The following PCDH17 variants were observed in gnomAD, a reference collection of about 807,000 sequenced individuals.
PCDH17 encodes protocadherin-17.
Under a neutral mutation model 67.7 loss-of-function variants are expected in PCDH17, and 21 were observed. The ratio of observed to expected loss-of-function variants is 0.31; its 90% CI spans 0.22 to 0.45. PCDH17 has a LOEUF of 0.45. PCDH17 is among the 20% of genes least tolerant of loss of function. The probability of loss-of-function intolerance (pLI) is 1.00; values close to 1 mark genes in which losing one functional copy is unlikely to be tolerated. For missense variants in PCDH17, 1,471 were observed against 1,564.8 expected (o/e 0.94, Z 1.01); for synonymous variants, 701 against 656.7 (o/e 1.07, Z -1.03).
At chr13:57,673,893 ATGTTTTCT>A (rs1217867544) in intron 3 of PCDH17, among the ~76,000 whole-genome samples, 3 of 120,914 alleles carry the variant, frequency 2.5e-5, no homozygotes, top group African/African-American at 2.4e-4. Context: ...ATCTCGGTTT[ATGTTTTCT>A]GGATAAAGTG....
chr13:57,647,813 T>C (rs895455068), intron 1 of PCDH17, among the ~76,000 whole-genome samples: 1 of 151,862 alleles, frequency 6.6e-6, no homozygotes, highest in African/African-American at 2.4e-5. Context: ...TGTGCTCTAA[T>C]AAGATATAGT....
At chr13:57,697,791 T>C (rs974812483) in intron 3 of PCDH17, among the ~76,000 whole-genome samples, 2 of 151,282 alleles carry the variant, frequency 1.3e-5, no homozygotes, top group Non-Finnish European at 1.5e-5. Flanking sequence ...TTTTTTAGGG[T>C]ACAAATGAAA....
intron 3 of PCDH17, among the ~76,000 whole-genome samples, chr13:57,720,835 T>C (rs1211032946): frequency 6.6e-6 from 1 of 152,062 alleles, no homozygotes; most frequent in Non-Finnish European, 1.5e-5. Context: ...TGCAAAAATG[T>C]CATATAAATT....
At chr13:57,674,342 C>T (rs1566231057) in intron 3 of PCDH17, among the ~76,000 whole-genome samples, 1 of 151,548 alleles carries the variant, frequency 6.6e-6, no homozygotes, top group African/African-American at 2.4e-5. Context: ...TTATTTCTTT[C>T]TAGAGACAGG....
At chr13:57,718,516 A>G (rs900910091) in intron 3 of PCDH17, among the ~76,000 whole-genome samples, 3 of 152,068 alleles carry the variant, frequency 2.0e-5, no homozygotes, top group Non-Finnish European at 4.4e-5. Flanking sequence ...ATAGATTGTT[A>G]AGGTACCATT....
At chr13:57,660,944 A>G (rs1013188208) in intron 1 of PCDH17, among the ~76,000 whole-genome samples, 3 of 152,172 alleles carry the variant, frequency 2.0e-5, no homozygotes, top group Admixed American at 1.3e-4. Flanking sequence ...TTTGAAAGAT[A>G]CCTAGGCTGA....
chr13:57,715,515 G>A (rs1238278849), intron 3 of PCDH17, among the ~76,000 whole-genome samples: 2 of 151,782 alleles, frequency 1.3e-5, no homozygotes, highest in Non-Finnish European at 2.9e-5. Flanking sequence ...GGAATGCAGA[G>A]TAATGCTGTA....
chr13:57,634,078 T>G lies in PCDH17; in HGVS notation c.1532T>G (p.Ile511Ser). The change falls in exon 1 of 4, where the codon ATC becomes AGC. Residue 511 changes from isoleucine to serine, a missense_variant. Coordinates refer to ENST00000377918, the MANE Select transcript of PCDH17 (RefSeq NM_001040429.3). This position sits in a 1 kb window ranked among gnomAD's most constrained non-coding sequence, Gnocchi z 7.8. ...CAGAACGGCACCGTATCCTACTCTA[T>G]CCTGCCCTCGCACATCGGCGACGTG... is the stretch of plus-strand genomic sequence containing the variant. ...LGQNGTVSYS[I>S]LPSHIGDVSI... is the part of the protein sequence containing the mutation. 6.2e-7 allele frequency: 1 copy of G among 1,613,438 alleles called. No individual in the cohort carries two copies. Among genetic ancestry groups the G allele is most frequent in the Non-Finnish European group, 8.5e-7 (1 of 1,180,010 alleles).
chr13:57,634,645 A>C lies in PCDH17; in HGVS notation c.2099A>C (p.His700Pro). Residue 700 changes from histidine to proline, a missense_variant, in exon 1 of 4, where the codon CAC (histidine) becomes CCC (proline). By Grantham distance (77) the His-to-Pro change is moderately conservative (BLOSUM62 -2). Around this residue, in one of 3 missense-constraint regions of PCDH17, gnomAD observed 1,163 missense variants for 1,230.0 expected, o/e 0.95. Coordinates refer to ENST00000377918, the MANE Select transcript of PCDH17 (RefSeq NM_001040429.3). The surrounding 1 kb of genome is among the most constrained non-coding windows in gnomAD (Gnocchi z 7.8). The part of the protein sequence containing the change: ...EGVPRVNGEQ[H>P]HWDMSLPLIV... ...GTACCACGGGTGAATGGCGAGCAGC[A>C]CCACTGGGACATGTCGCTGCCGCTC... 1 of 1,613,422 alleles carries C rather than the reference A, an allele frequency of 6.2e-7. No homozygotes were observed. The highest frequency in any genetic ancestry group is 2.2e-5 in the East Asian group (1 of 44,812).
chr13:57,643,012 C>T (rs145907710), intron 1 of PCDH17, among the ~76,000 whole-genome samples: 305 of 151,656 alleles, frequency 2.0e-3, no homozygotes, highest in African/African-American at 7.2e-3. Flanking sequence ...AATGCCTTTG[C>T]TAAAATAGTT....
intron 1 of PCDH17, among the ~76,000 whole-genome samples, chr13:57,636,989 T>C (rs1954831673): frequency 6.6e-6 from 1 of 152,042 alleles, no homozygotes; most frequent in African/African-American, 2.4e-5. Flanking sequence ...CCAGAGATTT[T>C]GAGAGATAGT....
In PCDH17 at chr13:57,634,234, T is replaced by G; in HGVS notation, c.1688T>G (p.Leu563Trp). ...LAKDSGAPAH[L>W]ESNATVRVTV... The stretch of plus-strand genomic sequence containing the variant: ...AAGGACTCGGGGGCGCCCGCGCACT[T>G]GGAGAGCAACGCCACGGTGAGGGTG... Residue 563 changes from leucine to tryptophan, a missense_variant, in exon 1 of 4, where the codon TTG (leucine) becomes TGG (tryptophan). Transcript: ENST00000377918. This position sits in a 1 kb window ranked among gnomAD's most constrained non-coding sequence, Gnocchi z 7.8. 6.2e-7 allele frequency: 1 copy of G among 1,613,148 alleles called. No homozygotes were observed. Among genetic ancestry groups the G allele is most frequent in the Non-Finnish European group, 8.5e-7 (1 of 1,179,980 alleles).
chr13:57,642,600 T>C (rs1302856194), intron 1 of PCDH17, among the ~76,000 whole-genome samples: 1 of 151,618 alleles, frequency 6.6e-6, no homozygotes, highest in East Asian at 1.9e-4. Context: ...ATTTAGGCAC[T>C]GAGTCATGAA....
At chr13:57,676,103 CTTAA>C (rs1172243197) in intron 3 of PCDH17, among the ~76,000 whole-genome samples, 4 of 151,562 alleles carry the variant, frequency 2.6e-5, no homozygotes, top group East Asian at 2.0e-4. Context: ...TATTTAATGC[CTTAA>C]TTAAGTTTTA....
chr13:57,672,330 A>G (rs968824840), intron 3 of PCDH17, among the ~76,000 whole-genome samples: 1 of 151,990 alleles, frequency 6.6e-6, no homozygotes, highest in African/African-American at 2.4e-5. Context: ...GGCTTAGGCT[A>G]GTTTAAATGA....
At chr13:57,718,034 A>G (rs1196026616) in intron 3 of PCDH17, among the ~76,000 whole-genome samples, 1 of 152,048 alleles carries the variant, frequency 6.6e-6, no homozygotes, top group African/African-American at 2.4e-5. Flanking sequence ...TTATATTAAA[A>G]AATAAAAGCA....
intron 3 of PCDH17, among the ~76,000 whole-genome samples, chr13:57,669,111 A>G (rs187048164): frequency 1.3e-5 from 2 of 151,528 alleles, no homozygotes; most frequent in Admixed American, 1.3e-4. Context: ...TGTCCTTTCG[A>G]TAGTTTGCTG....
In PCDH17 at chr13:57,632,694, C is replaced by T. The variant is rs1954744019; in HGVS notation, c.148C>T (p.Pro50Ser). Residue 50 changes from proline to serine, a missense_variant, in exon 1 of 4, where the codon CCT becomes TCT. Around this residue, in one of 3 missense-constraint regions of PCDH17, gnomAD observed 1,163 missense variants for 1,230.0 expected, o/e 0.95. Transcript: ENST00000377918. ...RDARLQPGLPPAERGGGGRSK... is the reference protein window; with the variant it reads ...RDARLQPGLPSAERGGGGRSK... ...TGCTCGACTGCAGCCTGGGCTTCCG[C>T]CTGCAGAGCGCGGCGGCGGAGGGCG... 1.2e-6 allele frequency: 2 copies of T among 1,611,542 alleles called. No individual in the cohort carries two copies. The highest frequency in any genetic ancestry group is 1.3e-5 in the African/African-American group (1 of 74,936).
At chr13:57,702,791 T>C (rs1955679506) in intron 3 of PCDH17, among the ~76,000 whole-genome samples, 1 of 152,154 alleles carries the variant, frequency 6.6e-6, no homozygotes, top group Admixed American at 6.6e-5. Context: ...AGGAGAACAC[T>C]GTCCTGCTCT....
Sources: allele counts gnomAD v4.1 joint callset (sites outside exome capture counted in the v4.1 genomes callset), GRCh38; gene constraint gnomAD v4.1.1; regional missense constraint gnomAD v4.1.1; non-coding constraint Gnocchi (gnomAD v3.1); transcripts MANE v1.5; gene names NCBI Gene and HGNC (gene_info 2026-07-23, HGNC 2026-07-21).